Variants in DYM observed in about 807,000 individuals in gnomAD.
DYM encodes the protein dyggve-Melchior-Clausen syndrome protein.
A neutral mutation model predicts 93.1 loss-of-function variants in DYM; 78 were observed. That is an observed-to-expected ratio of 0.84 (90% CI 0.70 to 1.01). The LOEUF is 1.01. Ranked by LOEUF, DYM falls within the 50% of genes least tolerant of loss-of-function variation. DYM has a pLI of 0.00. For synonymous variants in DYM, 321 were observed against 319.7 expected (o/e 1.00, Z -0.04); for missense variants, 789 against 845.0 (o/e 0.93, Z 0.82).
intron 14 of DYM, among the ~76,000 whole-genome samples, chr18:49,207,600 A>G (rs2146053926): frequency 6.6e-6 from 1 of 152,304 alleles, no homozygotes; most frequent in South Asian, 2.1e-4. Flanking sequence ...AAGCTATTAT[A>G]AAGACTGAGG....
chr18:49,179,690 A>G (rs1265361660), intron 14 of DYM, among the ~76,000 whole-genome samples: 1 of 152,090 alleles, frequency 6.6e-6, no homozygotes, highest in Non-Finnish European at 1.5e-5. Flanking sequence ...TACTATCCCT[A>G]TTTTACAGAG....
rs1195487129 is a variant in DYM at position 49,037,211 on chromosome 18, A to G, written c.*6844T>C. On this transcript the variant is annotated 3_prime_UTR_variant, in exon 18 of 18. Coordinates refer to ENST00000675505, the MANE Select transcript of DYM (RefSeq NM_001353214.3). ...CAATGAGTCCTCTTAATCCTTTTAA[A>G]TAACCAACTTTTGACTTTGATTCCC... Among the ~76,000 whole-genome samples, 1 of 152,212 alleles carries G rather than the reference A, an allele frequency of 6.6e-6. No homozygotes were observed. The highest frequency in any genetic ancestry group is 1.9e-4 in the East Asian group (1 of 5,198).
chr18:49,310,190 T>C (rs942600328), intron 8 of DYM, among the ~76,000 whole-genome samples: 4 of 152,354 alleles, frequency 2.6e-5, no homozygotes, highest in African/African-American at 7.2e-5. Flanking sequence ...GGCAGTTTTA[T>C]TATTTTAATG....
At chr18:49,259,688 C>T (rs572642) in intron 11 of DYM, among the ~76,000 whole-genome samples, 111,423 of 152,080 alleles carry the variant, frequency 0.73, 42,057 homozygotes, top group Non-Finnish European at 0.81. Flanking sequence ...AGTCCATACT[C>T]ACTGAAAGAA....
At chr18:49,368,647 CAGCAGAGAAAAGAG>C (rs1418315892) in intron 5 of DYM, 2 of 152,180 alleles carry the variant, frequency 1.3e-5, no homozygotes, top group African/African-American at 4.8e-5. Flanking sequence ...GGCCCAGTTC[CAGCAGAGAAAAGAG>C]AGCAGAGAAC....
intron 3 of DYM, among the ~76,000 whole-genome samples, chr18:49,387,195 C>T (rs1308297774): frequency 6.6e-6 from 1 of 152,060 alleles, no homozygotes; most frequent in Non-Finnish European, 1.5e-5. Flanking sequence ...GCTGGGATTA[C>T]AGGCCACCAT....
intron 3 of DYM, among the ~76,000 whole-genome samples, chr18:49,380,047 T>C (rs2067897017): frequency 6.6e-6 from 1 of 151,920 alleles, no homozygotes; most frequent in Non-Finnish European, 1.5e-5. Context: ...AATAGACACA[T>C]TCAACTTACA....
intron 17 of DYM, among the ~76,000 whole-genome samples, chr18:49,046,303 GCACA>G (rs974277935): frequency 2.0e-5 from 3 of 147,282 alleles, no homozygotes; most frequent in African/African-American, 7.6e-5. Context: ...ACATGCGCGC[GCACA>G]CACACACACA....
At chr18:49,260,502 G>A (rs1442578070) in intron 11 of DYM, among the ~76,000 whole-genome samples, 2 of 151,972 alleles carry the variant, frequency 1.3e-5, no homozygotes, top group African/African-American at 4.8e-5. Flanking sequence ...AAGAAAAACA[G>A]AACAATTAGT....
chr18:49,441,750 CA>C (rs2081647136), intron 1 of DYM, among the ~76,000 whole-genome samples: 1 of 151,924 alleles, frequency 6.6e-6, no homozygotes, highest in African/African-American at 2.4e-5. Flanking sequence ...AGAAGGAAGG[CA>C]ATTCACCCCA....
At chr18:49,213,943 A>G (rs918957366) in intron 13 of DYM, among the ~76,000 whole-genome samples, 13 of 152,252 alleles carry the variant, frequency 8.5e-5, no homozygotes, top group Admixed American at 3.3e-4. Flanking sequence ...AATATTAAGA[A>G]TGCAATTATC....
chr18:49,414,020 G>C (rs1024917307), intron 2 of DYM, among the ~76,000 whole-genome samples: 3 of 151,854 alleles, frequency 2.0e-5, no homozygotes, highest in African/African-American at 7.3e-5. Flanking sequence ...AAAAAAGAAA[G>C]AAAGAAAGAA....
intron 2 of DYM, among the ~76,000 whole-genome samples, chr18:49,409,140 C>T (rs924272519): frequency 4.6e-5 from 7 of 151,678 alleles, no homozygotes; most frequent in Middle Eastern, 3.4e-3. Flanking sequence ...AAAAATTAGC[C>T]GAGCATGGTG....
chr18:49,121,063 T>G (rs1270186598), intron 15 of DYM, among the ~76,000 whole-genome samples: 1 of 152,224 alleles, frequency 6.6e-6, no homozygotes, highest in Non-Finnish European at 1.5e-5. Flanking sequence ...AGAATCCATG[T>G]TGAACAAAGT....
rs554790847 is a variant in DYM at position 49,219,334 on chromosome 18, G to T, written c.1461-9619C>A. The stretch of plus-strand genomic sequence containing the variant: ...CCAAATTCTACCAGAGGTACAAGGA[G>T]GAACTGGTACCATTCCTTCAGAAAC... On this transcript the variant is annotated intron_variant, in intron 13 of 17. Transcript: ENST00000675505. Among the ~76,000 whole-genome samples, 569 of 152,284 alleles carry T rather than the reference G, an allele frequency of 3.7e-3. 10 individuals are homozygous for T. Among genetic ancestry groups the T allele is most frequent in the African/African-American group, 0.013 (541 of 41,568 alleles).
intron 10 of DYM, among the ~76,000 whole-genome samples, chr18:49,275,702 C>G (rs890774806): frequency 6.6e-6 from 1 of 152,034 alleles, no homozygotes; most frequent in Admixed American, 6.6e-5. Flanking sequence ...CATAGCAAGA[C>G]CCTATCTCTA....
At chr18:49,375,853 C>A (rs2067461801) in intron 5 of DYM, 1 of 152,184 alleles carries the variant, frequency 6.6e-6, no homozygotes, top group Non-Finnish European at 1.5e-5. Flanking sequence ...GGCAGAAGAA[C>A]ATGGAAGGAA....
chr18:49,376,637 C>T (rs1003398878), intron 5 of DYM, among the ~76,000 whole-genome samples: 2 of 152,214 alleles, frequency 1.3e-5, no homozygotes, highest in Non-Finnish European at 2.9e-5. Context: ...TGTTTGCCAC[C>T]TTTCAGTTTT....
chr18:49,350,254 A>C lies in DYM; in HGVS notation c.494+12907T>G, dbSNP rs188454447. 2.0e-5 allele frequency among the ~76,000 whole-genome samples: 3 copies of C among 152,302 alleles called. No homozygotes were observed. The East Asian group carries it at 5.8e-4, about 29-fold the overall frequency. ...TAGTAAAAGACTGGAAATGAACTAA[A>C]TTTTCATAAGATACTGATTAAATTA... On this transcript the variant is annotated intron_variant, in intron 6 of 17. Transcript: ENST00000675505.
Sources: allele counts gnomAD v4.1 joint callset (sites outside exome capture counted in the v4.1 genomes callset), GRCh38; gene constraint gnomAD v4.1.1; transcripts MANE v1.5; gene names NCBI Gene and HGNC (gene_info 2026-07-23, HGNC 2026-07-21).